DTNB: variants seen among roughly 807,000 people sequenced by gnomAD.
The protein encoded by DTNB is dystrobrevin beta, also known as DTN-B.
Under a neutral mutation model 90.7 loss-of-function variants are expected in DTNB, and 63 were observed. The ratio of observed to expected loss-of-function variants is 0.69; its 90% CI spans 0.57 to 0.86. DTNB has a LOEUF of 0.86. DTNB is among the 40% of genes least tolerant of loss of function. The pLI is 0.00. For missense variants in DTNB, 744 were observed against 807.1 expected, an observed-to-expected ratio of 0.92 and a Z score of 0.95; for synonymous variants, 277 against 286.7, an observed-to-expected ratio of 0.97 and a Z score of 0.34.
chr2:25,440,135 C>A (rs191477935), intron 12 of DTNB, among the ~76,000 whole-genome samples: 2 of 152,178 alleles, frequency 1.3e-5, no homozygotes. Context: ...CTTAATTGAT[C>A]TCTACTTAGT....
At chr2:25,613,460 T>C (rs569619779) in intron 4 of DTNB, among the ~76,000 whole-genome samples, 1 of 152,284 alleles carries the variant, frequency 6.6e-6, no homozygotes, top group East Asian at 1.9e-4. Flanking sequence ...ATGAGTACCC[T>C]ATGTTTAGCT....
chr2:25,631,468 G>C (rs985368055), intron 3 of DTNB, among the ~76,000 whole-genome samples: 1 of 151,596 alleles, frequency 6.6e-6, no homozygotes, highest in Non-Finnish European at 1.5e-5. Context: ...AGCTATTGGG[G>C]AGGCTACAGC....
At chr2:25,411,019 G>T (rs1049873310) in intron 16 of DTNB, among the ~76,000 whole-genome samples, 23 of 151,244 alleles carry the variant, frequency 1.5e-4, no homozygotes, top group Non-Finnish European at 3.2e-4. Flanking sequence ...GCTCCTGGGG[G>T]GCCATCCTCA....
chr2:25,403,986 C>T (rs1226745349), intron 16 of DTNB, among the ~76,000 whole-genome samples: 1 of 152,176 alleles, frequency 6.6e-6, no homozygotes. Context: ...TGATCTTGGG[C>T]AACTTACCTA....
At chr2:25,462,985 G>A (rs2061247176) in intron 10 of DTNB, among the ~76,000 whole-genome samples, 1 of 152,102 alleles carries the variant, frequency 6.6e-6, no homozygotes, top group South Asian at 2.1e-4. Flanking sequence ...TTACAGGCGT[G>A]AGCCACCGCG....
At chr2:25,518,213 A>G (rs1016656296) in intron 9 of DTNB, among the ~76,000 whole-genome samples, 98 of 149,874 alleles carry the variant, frequency 6.5e-4, no homozygotes, top group African/African-American at 2.3e-3. Flanking sequence ...TTTTTTATCC[A>G]CAATAAAAAA....
At chr2:25,449,087 G>A (rs1323590190) in intron 12 of DTNB, among the ~76,000 whole-genome samples, 2 of 151,876 alleles carry the variant, frequency 1.3e-5, no homozygotes, top group African/African-American at 2.4e-5. Flanking sequence ...ATTTCACATA[G>A]AAAAAAACAG....
At chr2:25,667,158 AAAG>A (rs1436550824) in intron 1 of DTNB, among the ~76,000 whole-genome samples, 1 of 151,966 alleles carries the variant, frequency 6.6e-6, no homozygotes. Context: ...AAAAAAAAGA[AAAG>A]AAAACAAAAT....
At chr2:25,501,437 T>C (rs755528206) in intron 9 of DTNB, among the ~76,000 whole-genome samples, 1 of 151,974 alleles carries the variant, frequency 6.6e-6, no homozygotes, top group East Asian at 1.9e-4. Flanking sequence ...TAGGATGCAG[T>C]AGTCAGATCT....
intron 2 of DTNB, among the ~76,000 whole-genome samples, chr2:25,641,324 C>T (rs570994705): frequency 6.6e-6 from 1 of 152,308 alleles, no homozygotes; most frequent in Non-Finnish European, 1.5e-5. Flanking sequence ...TTATTAAAAT[C>T]ATATTGTGCC....
chr2:25,580,822 T>C lies in DTNB; in HGVS notation c.608A>G (p.Lys203Arg), dbSNP rs2061460032. Residue 203 changes from lysine (K) to arginine (R), a missense_variant, in exon 7 of 21, where the codon AAG becomes AGG. Lys to Arg is a conservative substitution (Grantham distance 26). Transcript: ENST00000406818. ...GTCTAAAAACATATTTAGCATTATC[T>C]TTCTCTGTAAAGAGAAGAAAAACAA... Reference protein sequence around the residue: ...SVRTCFPQQRKIMLNMFLDTM... With the variant: ...SVRTCFPQQRRIMLNMFLDTM... 1.3e-5 allele frequency: 21 copies of C among 1,611,382 alleles called. No individual in the cohort carries two copies. The highest frequency in any genetic ancestry group is 1.8e-5 in the Non-Finnish European group (21 of 1,178,508).
intron 12 of DTNB, among the ~76,000 whole-genome samples, chr2:25,444,298 G>A (rs1228543567): frequency 1.3e-5 from 2 of 152,186 alleles, no homozygotes; most frequent in East Asian, 3.9e-4. Flanking sequence ...GGAGGCTGAG[G>A]CAGGTGGATC....
At chr2:25,630,572 C>T (rs1017226352) in intron 3 of DTNB, among the ~76,000 whole-genome samples, 2 of 152,066 alleles carry the variant, frequency 1.3e-5, no homozygotes, top group Admixed American at 6.6e-5. Flanking sequence ...GGCACGGTGA[C>T]GGTGGCTCAT....
chr2:25,531,633 T>G, intron 8 of DTNB, 36 bp from the exon 9 acceptor site: 1 of 1,577,194 alleles, frequency 6.3e-7, no homozygotes. Flanking sequence ...GAATTAACCC[T>G]TCAAAAGAAT....
chr2:25,456,878 T>C (rs1435374771), intron 10 of DTNB, among the ~76,000 whole-genome samples: 4 of 151,712 alleles, frequency 2.6e-5, no homozygotes, highest in Non-Finnish European at 5.9e-5. Context: ...CCAGTCACCT[T>C]TCTGAAGCTC....
intron 16 of DTNB, among the ~76,000 whole-genome samples, chr2:25,413,075 G>T (rs549159086): frequency 6.6e-6 from 1 of 152,162 alleles, no homozygotes; most frequent in East Asian, 1.9e-4. Flanking sequence ...GCATTTTATA[G>T]ATTATTATCT....
At chr2:25,585,189 C>A (rs1457178870) in intron 6 of DTNB, among the ~76,000 whole-genome samples, 1 of 152,150 alleles carries the variant, frequency 6.6e-6, no homozygotes, top group Admixed American at 6.5e-5. Context: ...TCATTTTTCT[C>A]TATTTCCCTC....
chr2:25,404,633 T>C (rs1212233770), intron 16 of DTNB, among the ~76,000 whole-genome samples: 1 of 152,086 alleles, frequency 6.6e-6, no homozygotes, highest in Non-Finnish European at 1.5e-5. Context: ...GGTGGGTGGA[T>C]CACCTGCAGT....
intron 12 of DTNB, among the ~76,000 whole-genome samples, chr2:25,438,738 G>C (rs2056624385): frequency 6.6e-6 from 1 of 152,200 alleles, no homozygotes; most frequent in Non-Finnish European, 1.5e-5. Flanking sequence ...CGAAGAGTCT[G>C]TGTGGAAAGG....
Sources: allele counts gnomAD v4.1 joint callset (sites outside exome capture counted in the v4.1 genomes callset), GRCh38; gene constraint gnomAD v4.1.1; transcripts MANE v1.5; gene names NCBI Gene and HGNC (gene_info 2026-07-23, HGNC 2026-07-21).